Variants in RIC1 observed in about 807,000 individuals in gnomAD.
RIC1 encodes RIC1 partner of RAB6A GEF complex.
Under a neutral mutation model 169.0 loss-of-function variants are expected in RIC1, and 88 were observed. The observed-to-expected ratio is 0.52, with a 90% CI of 0.44 to 0.62. The LOEUF (loss-of-function observed/expected upper bound fraction) is 0.62. Among genes scored for constraint, RIC1 ranks in the 20% least tolerant of loss-of-function variants. The probability of loss-of-function intolerance (pLI) is 0.00; values close to 1 mark genes in which losing one functional copy is unlikely to be tolerated. For synonymous variants in RIC1, 790 were observed against 601.5 expected, an observed-to-expected ratio of 1.31 and a Z score of -4.59; for missense variants, 1,877 against 1,725.5, an observed-to-expected ratio of 1.09 and a Z score of -1.56.
intron 17 of RIC1, among the ~76,000 whole-genome samples, chr9:5,759,829 T>C (rs1333109904): frequency 6.6e-6 from 1 of 152,210 alleles, no homozygotes; most frequent in African/African-American, 2.4e-5. Context: ...TTGATAATTG[T>C]GAATCTGGAT....
intron 2 of RIC1, among the ~76,000 whole-genome samples, chr9:5,665,134 C>T (rs146974287): frequency 3.5e-4 from 54 of 152,132 alleles, no homozygotes; most frequent in Admixed American, 8.5e-4. Flanking sequence ...TTTAGCTCTT[C>T]TTGTTGAATT....
intron 2 of RIC1, among the ~76,000 whole-genome samples, chr9:5,677,235 A>C (rs1167792958): frequency 6.6e-6 from 1 of 152,146 alleles, no homozygotes; most frequent in African/African-American, 2.4e-5. Context: ...TGGTGTAGTG[A>C]TATCTCATTA....
rs73392668 is a variant in RIC1, at chr9:5,694,526, C to T, written c.332+4488C>T. Among the ~76,000 whole-genome samples, 868 of 152,262 alleles carry T rather than the reference C, an allele frequency of 5.7e-3. 10 individuals carry two copies. Among genetic ancestry groups the T allele is most frequent in the African/African-American group, 0.02 (822 of 41,538 alleles). On this transcript the variant is annotated intron_variant, in intron 3 of 25. Transcript: ENST00000414202. ...ATATTCTGTAAATGTACATGGGTGA[C>T]CTTTTACTACTGAACTTTGCATATT... is the stretch of plus-strand genomic sequence containing the variant.
At chr9:5,707,659 GTTTT>G (rs947937243) in intron 3 of RIC1, among the ~76,000 whole-genome samples, 1 of 151,596 alleles carries the variant, frequency 6.6e-6, no homozygotes, top group Non-Finnish European at 1.5e-5. Flanking sequence ...AAAGTCTTTT[GTTTT>G]TTTGTTTGTT....
chr9:5,776,856 T>A (rs1827616584), downstream of RIC1, among the ~76,000 whole-genome samples: 1 of 152,058 alleles, frequency 6.6e-6, no homozygotes, highest in Admixed American at 6.5e-5. Flanking sequence ...AAATTTTACA[T>A]GTAAGTATAG....
At chr9:5,716,440 C>G (rs1469573806) in intron 4 of RIC1, among the ~76,000 whole-genome samples, 1 of 152,104 alleles carries the variant, frequency 6.6e-6, no homozygotes, top group Non-Finnish European at 1.5e-5. Flanking sequence ...TAGTGAAACC[C>G]TGTCTCTACT....
intron 10 of RIC1, among the ~76,000 whole-genome samples, chr9:5,744,146 T>G (rs1825246983): frequency 6.6e-6 from 1 of 152,132 alleles, no homozygotes; most frequent in Non-Finnish European, 1.5e-5. Context: ...CTGCCTGGTT[T>G]TCAGTATTTG....
intron 2 of RIC1, among the ~76,000 whole-genome samples, chr9:5,676,776 T>G (rs2130608513): frequency 6.6e-6 from 1 of 152,388 alleles, no homozygotes; most frequent in Non-Finnish European, 1.5e-5. Context: ...TTGTGTTTTC[T>G]GGTTTTATAT....
intron 17 of RIC1, among the ~76,000 whole-genome samples, chr9:5,760,749 T>TTGTATAAAG (rs1238406401): frequency 6.6e-6 from 1 of 152,220 alleles, no homozygotes; most frequent in Non-Finnish European, 1.5e-5. Flanking sequence ...TCTTTATACA[T>TTGTATAAAG]AATCCCCTGT....
In RIC1 at chr9:5,720,757, C is replaced by T; in HGVS notation, c.720+7C>T. The T allele has an allele frequency of 6.3e-7, 1 of 1,580,908 alleles. No homozygotes were observed. Among genetic ancestry groups the T allele is most frequent in the South Asian group, 1.2e-5 (1 of 85,088 alleles). On this transcript the variant is annotated splice_region_variant and intron_variant, in intron 6 of 25. Transcript: ENST00000414202. ...AAGTAGATTTACTGCAGAGGTATGA[C>T]TTATTTACTTTGAAGGGTTTTTTGT...
Position 5,772,714 on chromosome 9 carries a change from G to A in RIC1, c.3767G>A (p.Gly1256Glu), listed in dbSNP as rs773838410. 6.2e-6 allele frequency: 10 copies of A among 1,608,906 alleles called. No individual in the cohort carries two copies. The highest frequency in any genetic ancestry group is 3.4e-5 in the Admixed American group (2 of 58,658). ...EHISMELASK[G>E]PHKSQVQLRY... is the part of the protein sequence containing the mutation. Reference sequence around the variant, plus strand: ...ATTTCCATGGAGTTGGCCAGTAAAGGGCCTCATAAATCCCAGGTCCAGCTT... The same window carrying A: ...ATTTCCATGGAGTTGGCCAGTAAAGAGCCTCATAAATCCCAGGTCCAGCTT... Residue 1256 changes from glycine to glutamate, a missense_variant, in exon 24 of 26, where the codon GGG (glycine) becomes GAG (glutamate). By Grantham distance (98) the Gly-to-Glu change is moderately conservative. Coordinates refer to ENST00000414202, the MANE Select transcript of RIC1 (RefSeq NM_020829.4).
chr9:5,672,939 A>G (rs1424745263), intron 2 of RIC1, among the ~76,000 whole-genome samples: 1 of 152,146 alleles, frequency 6.6e-6, no homozygotes, highest in East Asian at 1.9e-4. Context: ...AATCTCTAAC[A>G]ATCCTGTACC....
chr9:5,676,572 G>C (rs1006412088), intron 2 of RIC1, among the ~76,000 whole-genome samples: 6 of 152,146 alleles, frequency 3.9e-5, no homozygotes, highest in Non-Finnish European at 7.4e-5. Context: ...TGAAATGTTA[G>C]TAATATTTTG....
At chr9:5,741,075 G>C (rs1027253690) in intron 8 of RIC1, among the ~76,000 whole-genome samples, 1 of 152,112 alleles carries the variant, frequency 6.6e-6, no homozygotes, top group Non-Finnish European at 1.5e-5. Context: ...TACTTATTTT[G>C]CTGCTGTGAT....
At chr9:5,743,664 A>T (rs1263363268) in intron 9 of RIC1, 25 bp from the exon 10 acceptor site, 1 of 1,572,686 alleles carries the variant, frequency 6.4e-7, no homozygotes. Flanking sequence ...AGGCTGTATT[A>T]TATTTAGTTT....
intron 6 of RIC1, among the ~76,000 whole-genome samples, chr9:5,724,667 G>C (rs1300681116): frequency 6.6e-6 from 1 of 152,152 alleles, no homozygotes; most frequent in Non-Finnish European, 1.5e-5. Context: ...TCCAGTTTTT[G>C]CCCATTCAGT....
chr9:5,656,603 C>T lies in RIC1; in HGVS notation c.165C>T (p.Thr55=). The change falls in exon 2 of 26, where the codon ACC becomes ACT. Residue 55 remains threonine, a synonymous_variant. Transcript: ENST00000414202. ...WYSRPSVLIV[T]YKEPAKSSTQ... Reference sequence around the variant, plus strand: ...CACAGCCTAGTGTGTTAATTGTAACCTACAAGGAGCCTGCAAAATCATCTA... The same window carrying T: ...CACAGCCTAGTGTGTTAATTGTAACTTACAAGGAGCCTGCAAAATCATCTA... 6.2e-7 allele frequency: 1 copy of T among 1,600,680 alleles called. No homozygotes were observed. The highest frequency in any genetic ancestry group is 8.5e-7 in the Non-Finnish European group (1 of 1,172,430).
chr9:5,684,475 TCATCTC>T (rs1586943940), intron 2 of RIC1, among the ~76,000 whole-genome samples: 1 of 152,292 alleles, frequency 6.6e-6, no homozygotes, highest in East Asian at 1.9e-4. Context: ...TACAAGTATT[TCATCTC>T]TTTTGCCAGA....
In RIC1 at chr9:5,773,091, C is replaced by T; in HGVS notation, c.3983+11C>T. 2.5e-6 allele frequency: 4 copies of T among 1,568,850 alleles called. No homozygotes were observed. Among genetic ancestry groups the T allele is most frequent in the South Asian group, 1.2e-5 (1 of 81,580 alleles). On this transcript the variant is annotated intron_variant, in intron 25 of 25. Coordinates refer to ENST00000414202, the MANE Select transcript of RIC1 (RefSeq NM_020829.4). ...GGCCTCTACAGACTGGTAAGTGCTGCTTTCCTTAGGCTTGGTGTCCTTCCA... is the reference window on the plus strand; with the variant it reads ...GGCCTCTACAGACTGGTAAGTGCTGTTTTCCTTAGGCTTGGTGTCCTTCCA...
Sources: allele counts gnomAD v4.1 joint callset (sites outside exome capture counted in the v4.1 genomes callset), GRCh38; gene constraint gnomAD v4.1.1; transcripts MANE v1.5; gene names NCBI Gene and HGNC (gene_info 2026-07-23, HGNC 2026-07-21).